PLCB1: variants seen among roughly 807,000 people sequenced by gnomAD.
PLCB1 encodes the protein 1-phosphatidylinositol 4,5-bisphosphate phosphodiesterase beta-1.
Under a neutral mutation model 161.8 loss-of-function variants are expected in PLCB1, and 46 were observed. That is an observed-to-expected ratio of 0.28 (90% CI 0.22 to 0.36). The LOEUF (loss-of-function observed/expected upper bound fraction) is 0.36, where lower values mean the gene tolerates loss of function less well. Ranked by LOEUF, PLCB1 falls within the 10% of genes least tolerant of loss-of-function variation. The pLI, the probability that PLCB1 is intolerant of heterozygous loss-of-function variation, is 1.00. For missense variants in PLCB1, 1,016 were observed against 1,472.5 expected (o/e 0.69, Z 5.07); for synonymous variants, 517 against 503.7 (o/e 1.03, Z -0.35).
At chr20:8,775,401 C>G (rs1982895193) in intron 27 of PLCB1, among the ~76,000 whole-genome samples, 1 of 152,108 alleles carries the variant, frequency 6.6e-6, no homozygotes, top group South Asian at 2.1e-4. Flanking sequence ...CAAGCTTATG[C>G]CAAAACCAAA....
At chr20:8,588,927 G>C (rs1367505010) in intron 3 of PLCB1, among the ~76,000 whole-genome samples, 1 of 152,080 alleles carries the variant, frequency 6.6e-6, no homozygotes, top group Non-Finnish European at 1.5e-5. Context: ...AAGGACACTT[G>C]TTCCCACCTC....
intron 3 of PLCB1, among the ~76,000 whole-genome samples, chr20:8,493,476 A>G (rs1983031218): frequency 1.3e-5 from 2 of 152,242 alleles, no homozygotes; most frequent in Non-Finnish European, 2.9e-5. Flanking sequence ...GTTTCATTAG[A>G]GGAGATAAAA....
intron 3 of PLCB1, among the ~76,000 whole-genome samples, chr20:8,567,386 C>G (rs1326841181): frequency 6.6e-6 from 1 of 151,896 alleles, no homozygotes; most frequent in Non-Finnish European, 1.5e-5. Flanking sequence ...AGTTTTTAGC[C>G]TAAATTATCC....
At chr20:8,394,996 C>A (rs1050468649) in intron 3 of PLCB1, among the ~76,000 whole-genome samples, 1 of 152,050 alleles carries the variant, frequency 6.6e-6, no homozygotes, top group Admixed American at 6.6e-5. Flanking sequence ...AATTGTTTAG[C>A]AAACACAATT....
At chr20:8,495,090 A>ATCTT (rs1489591357) in intron 3 of PLCB1, among the ~76,000 whole-genome samples, 1 of 151,606 alleles carries the variant, frequency 6.6e-6, no homozygotes, top group African/African-American at 2.4e-5. Flanking sequence ...AAGGGAGAAG[A>ATCTT]GGTGGATTCA....
At chr20:8,468,586 A>G (rs1356113451) in intron 3 of PLCB1, among the ~76,000 whole-genome samples, 1 of 152,162 alleles carries the variant, frequency 6.6e-6, no homozygotes, top group Non-Finnish European at 1.5e-5. Context: ...AAGTTTTAGT[A>G]TAATATCGTC....
intron 31 of PLCB1, among the ~76,000 whole-genome samples, chr20:8,847,596 T>C (rs556074603): frequency 6.6e-6 from 1 of 152,274 alleles, no homozygotes; most frequent in Non-Finnish European, 1.5e-5. Context: ...CACCTGGATT[T>C]AGGGCAGACC....
At chr20:8,797,012 C>G (rs1440170169) in intron 31 of PLCB1, among the ~76,000 whole-genome samples, 1 of 152,062 alleles carries the variant, frequency 6.6e-6, no homozygotes, top group Non-Finnish European at 1.5e-5. Context: ...TGTTTTTGTG[C>G]AGAAATGTCT....
At chr20:8,513,860 T>A (rs1327707982) in intron 3 of PLCB1, among the ~76,000 whole-genome samples, 1 of 150,574 alleles carries the variant, frequency 6.6e-6, no homozygotes, top group African/African-American at 2.4e-5. Flanking sequence ...AAAAAAAAGT[T>A]AAAAATAACA....
intron 3 of PLCB1, among the ~76,000 whole-genome samples, chr20:8,419,739 T>A (rs577198636): frequency 6.6e-6 from 1 of 152,130 alleles, no homozygotes; most frequent in Non-Finnish European, 1.5e-5. Context: ...CCAACATAAG[T>A]AGAGAAGCAT....
intron 31 of PLCB1, among the ~76,000 whole-genome samples, chr20:8,879,447 G>A (rs1987896498): frequency 6.6e-6 from 1 of 152,112 alleles, no homozygotes; most frequent in Non-Finnish European, 1.5e-5. Context: ...AGGCAGACCT[G>A]AGTAATCCTC....
At chr20:8,415,721 A>G (rs1124949) in intron 3 of PLCB1, among the ~76,000 whole-genome samples, 9,220 of 152,256 alleles carry the variant, frequency 0.061, 900 homozygotes, top group African/African-American at 0.2. Context: ...GATGGTGGAC[A>G]TGGTGTAGGA....
At chr20:8,167,611 T>A (rs2051688795) in intron 2 of PLCB1, among the ~76,000 whole-genome samples, 1 of 152,232 alleles carries the variant, frequency 6.6e-6, no homozygotes, top group Non-Finnish European at 1.5e-5. Flanking sequence ...CATTATTAGA[T>A]AGTGACGTAG....
intron 3 of PLCB1, among the ~76,000 whole-genome samples, chr20:8,391,658 C>G (rs1299327720): frequency 6.6e-6 from 1 of 151,542 alleles, no homozygotes; most frequent in Non-Finnish European, 1.5e-5. Flanking sequence ...TAACTGGTAA[C>G]AAGACATAAA....
chr20:8,436,447 AAGAC>A (rs1980314506), intron 3 of PLCB1, among the ~76,000 whole-genome samples: 5 of 56,740 alleles, frequency 8.8e-5, no homozygotes, highest in Middle Eastern at 0.01. Flanking sequence ...AAAAAAAAAC[AAGAC>A]AACAAACACT....
At chr20:8,357,928 C>T (rs1417944374) in intron 2 of PLCB1, among the ~76,000 whole-genome samples, 10 of 151,264 alleles carry the variant, frequency 6.6e-5, no homozygotes, top group African/African-American at 1.9e-4. Flanking sequence ...AGGTAAAGTT[C>T]ATGCCTAAGC....
chr20:8,825,559 A>C (rs867173612), intron 31 of PLCB1, among the ~76,000 whole-genome samples: 20 of 152,328 alleles, frequency 1.3e-4, no homozygotes, highest in African/African-American at 4.3e-4. Flanking sequence ...TAGACCACAG[A>C]GCATCAGGAA....
At chr20:8,858,541 G>T (rs983636584) in intron 31 of PLCB1, among the ~76,000 whole-genome samples, 8 of 152,144 alleles carry the variant, frequency 5.3e-5, no homozygotes, top group African/African-American at 1.9e-4. Context: ...ATCCCTCGGG[G>T]AGTCTTGGAC....
intron 9 of PLCB1, among the ~76,000 whole-genome samples, chr20:8,681,076 A>ATGTGTG (rs71331325): frequency 0.022 from 1,835 of 82,456 alleles, 40 homozygotes; most frequent in African/African-American, 0.06. Context: ...ATGTGTGTAT[A>ATGTGTG]TGTGTGTGTG....
Sources: gnomAD v4.1 joint callset for allele counts (sites outside exome capture counted in the v4.1 genomes callset) on GRCh38, gnomAD v4.1.1 for gene constraint, MANE v1.5 for transcripts, NCBI Gene and HGNC (gene_info 2026-07-23, HGNC 2026-07-21) for gene names.